Variants in GRID2 observed in about 807,000 individuals in gnomAD.
The protein encoded by GRID2 is glutamate receptor ionotropic, delta-2.
In GRID2, 33 loss-of-function variants were observed where a neutral mutation model predicts 114.8. The ratio of observed to expected loss-of-function variants is 0.29; its 90% CI spans 0.22 to 0.38. The LOEUF (loss-of-function observed/expected upper bound fraction) is 0.38. Ranked by LOEUF, GRID2 falls within the 10% of genes least tolerant of loss-of-function variation. The pLI is 1.00. For synonymous variants in GRID2, 505 were observed against 449.9 expected, an observed-to-expected ratio of 1.12 and a Z score of -1.55; for missense variants, 1,184 against 1,257.7, an observed-to-expected ratio of 0.94 and a Z score of 0.89.
chr4:92,790,703 C>G (rs2149364211), intron 2 of GRID2, among the ~76,000 whole-genome samples: 1 of 148,438 alleles, frequency 6.7e-6, no homozygotes, highest in Non-Finnish European at 1.5e-5. Context: ...CATGCATGAG[C>G]TACTGTGCCC....
rs145912302 is a variant in GRID2, at chr4:93,655,211, C to G, written c.2360+28776C>G. On this transcript the variant is annotated intron_variant, in intron 14 of 15. Transcript: ENST00000282020. ...CATAAGATAAGAAAATTAAATAAGA[C>G]ATAATAATTAGTTTTCAAACCTCTT... Among the ~76,000 whole-genome samples the G allele has an allele frequency of 4.1e-3, 625 of 152,178 alleles. 2 individuals are homozygous for G. The highest frequency in any genetic ancestry group is 0.014 in the African/African-American group (585 of 41,536).
chr4:92,532,763 T>A (rs1359708529), intron 1 of GRID2, among the ~76,000 whole-genome samples: 3 of 152,134 alleles, frequency 2.0e-5, no homozygotes, highest in Admixed American at 2.0e-4. Context: ...GTCTAGGGTA[T>A]TTTGCCATTT....
intron 8 of GRID2, among the ~76,000 whole-genome samples, chr4:93,270,976 T>A (rs1751398950): frequency 6.6e-6 from 1 of 152,190 alleles, no homozygotes; most frequent in African/African-American, 2.4e-5. Flanking sequence ...GTGTAGTGAC[T>A]GATTTTTTCA....
chr4:93,222,680 T>G (rs147157587), intron 6 of GRID2, among the ~76,000 whole-genome samples: 3,826 of 152,078 alleles, frequency 0.025, 62 homozygotes, highest in Non-Finnish European at 0.039. Flanking sequence ...GTGTTCTCAT[T>G]GTTCAATTCC....
intron 1 of GRID2, among the ~76,000 whole-genome samples, chr4:92,305,069 C>T (rs1371341103): frequency 6.6e-6 from 1 of 151,906 alleles, no homozygotes; most frequent in African/African-American, 2.4e-5. Context: ...GTTTAATTGA[C>T]TCTTATCTTC....
intron 2 of GRID2, among the ~76,000 whole-genome samples, chr4:92,766,866 C>T (rs1738294483): frequency 6.6e-6 from 1 of 152,140 alleles, no homozygotes; most frequent in Non-Finnish European, 1.5e-5. Flanking sequence ...TGTAGAATAT[C>T]AGCTAGGAGT....
chr4:93,477,212 T>C (rs1183664036), intron 11 of GRID2, among the ~76,000 whole-genome samples: 3 of 152,086 alleles, frequency 2.0e-5, no homozygotes, highest in African/African-American at 4.8e-5. Flanking sequence ...TGTAAAAACC[T>C]GCACTTGTGA....
chr4:92,884,966 G>C (rs559635538), intron 2 of GRID2: 76 of 312,598 alleles, frequency 2.4e-4, no homozygotes, highest in African/African-American at 1.6e-3. Flanking sequence ...AAAAGGCAAA[G>C]TGTTTTAAAT....
chr4:92,727,364 G>C (rs995129515), intron 2 of GRID2, among the ~76,000 whole-genome samples: 2 of 151,918 alleles, frequency 1.3e-5, no homozygotes, highest in African/African-American at 4.8e-5. Context: ...CAAACCAAAA[G>C]AATTCTCTAG....
intron 14 of GRID2, among the ~76,000 whole-genome samples, chr4:93,732,113 G>C (rs1487817396): frequency 6.6e-6 from 1 of 152,156 alleles, no homozygotes; most frequent in East Asian, 1.9e-4. Flanking sequence ...ACCCCCATCA[G>C]AATCCCATTA....
At chr4:93,580,823 AC>A (rs1736905696) in intron 13 of GRID2, among the ~76,000 whole-genome samples, 1 of 143,106 alleles carries the variant, frequency 7.0e-6, no homozygotes, top group Non-Finnish European at 1.5e-5. Context: ...CCCCCCAGTA[AC>A]CCCCATACCA....
intron 2 of GRID2, among the ~76,000 whole-genome samples, chr4:92,635,013 G>A (rs1389589272): frequency 1.3e-5 from 2 of 152,072 alleles, no homozygotes; most frequent in Non-Finnish European, 2.9e-5. Context: ...CACAGTCACT[G>A]TGCCAAAAGC....
At chr4:92,360,855 T>TC (rs902750985) in intron 1 of GRID2, among the ~76,000 whole-genome samples, 14 of 151,932 alleles carry the variant, frequency 9.2e-5, no homozygotes, top group African/African-American at 3.1e-4. Flanking sequence ...TGTGGGGTTT[T>TC]CCCCCTTTTA....
intron 1 of GRID2, among the ~76,000 whole-genome samples, chr4:92,458,014 T>A (rs1721300931): frequency 6.6e-6 from 1 of 152,202 alleles, no homozygotes; most frequent in Non-Finnish European, 1.5e-5. Flanking sequence ...AGGGAAGTGA[T>A]TAAATCAGTC....
intron 2 of GRID2, among the ~76,000 whole-genome samples, chr4:92,900,430 G>T (rs1747482336): frequency 6.6e-6 from 1 of 152,118 alleles, no homozygotes; most frequent in Non-Finnish European, 1.5e-5. Flanking sequence ...CCCACCCAGT[G>T]TTTGCTATTT....
At chr4:93,142,387 T>G (rs1371985286) in intron 4 of GRID2, among the ~76,000 whole-genome samples, 1 of 152,152 alleles carries the variant, frequency 6.6e-6, no homozygotes, top group Non-Finnish European at 1.5e-5. Context: ...GAAGAAATGG[T>G]GTCTGGTGAG....
intron 2 of GRID2, among the ~76,000 whole-genome samples, chr4:92,997,326 C>T (rs1164792755): frequency 6.6e-6 from 1 of 152,080 alleles, no homozygotes; most frequent in Non-Finnish European, 1.5e-5. Flanking sequence ...GATACAGGAA[C>T]CCAAGGAACC....
chr4:92,410,831 A>T (rs1731262319), intron 1 of GRID2, among the ~76,000 whole-genome samples: 1 of 148,348 alleles, frequency 6.7e-6, no homozygotes, highest in Non-Finnish European at 1.5e-5. Flanking sequence ...AGGTCTGCAA[A>T]AGCATTTTTT....
At chr4:93,224,518 G>A in intron 6 of GRID2, 96 bp from the exon 7 acceptor site, 1 of 744,368 alleles carries the variant, frequency 1.3e-6, no homozygotes, top group Non-Finnish European at 2.3e-6. Context: ...AGCCATGTAT[G>A]ACATGAACAG....
Sources: allele counts gnomAD v4.1 joint callset (sites outside exome capture counted in the v4.1 genomes callset), GRCh38; gene constraint gnomAD v4.1.1; transcripts MANE v1.5; gene names NCBI Gene and HGNC (gene_info 2026-07-23, HGNC 2026-07-21).